ZCCHC4: variants seen among roughly 807,000 people sequenced by gnomAD.
ZCCHC4 encodes zinc finger CCHC-type containing 4.
ZCCHC4 carries 54 observed loss-of-function variants against 67.7 expected under a neutral mutation model. That is an observed-to-expected ratio of 0.80 (90% CI 0.64 to 1.00). The LOEUF is 1.00. Among genes scored for constraint, ZCCHC4 ranks in the 50% least tolerant of loss-of-function variants. The pLI is 0.00. For missense variants in ZCCHC4, 609 were observed against 617.0 expected (o/e 0.99, Z 0.14); for synonymous variants, 198 against 213.5 (o/e 0.93, Z 0.63).
chr4:25,319,435 C>T (rs1238412929), intron 3 of ZCCHC4, among the ~76,000 whole-genome samples: 3 of 151,784 alleles, frequency 2.0e-5, no homozygotes, highest in Non-Finnish European at 4.4e-5. Context: ...AAGTCAGAAG[C>T]GTTAGGGCGT....
chr4:25,339,444 A>G (rs1240878804), intron 5 of ZCCHC4, among the ~76,000 whole-genome samples: 1 of 152,166 alleles, frequency 6.6e-6, no homozygotes, highest in Non-Finnish European at 1.5e-5. Context: ...GTCCTTGCCA[A>G]TGTTTATTAT....
chr4:25,332,297 CA>C (rs35606314), intron 3 of ZCCHC4, among the ~76,000 whole-genome samples: 65,771 of 94,128 alleles, frequency 0.7, 20,448 homozygotes, highest in African/African-American at 0.72. Context: ...GACTCCATCT[CA>C]AAAAAAAAAA....
intron 3 of ZCCHC4, among the ~76,000 whole-genome samples, chr4:25,318,326 C>CTT (rs150504880): frequency 2.2e-4 from 22 of 99,232 alleles, no homozygotes; most frequent in South Asian, 3.5e-4. Flanking sequence ...AACCACTGTT[C>CTT]TTTTTTTTTT....
intron 3 of ZCCHC4, among the ~76,000 whole-genome samples, chr4:25,325,861 T>C (rs1718855173): frequency 6.6e-6 from 1 of 152,214 alleles, no homozygotes; most frequent in African/African-American, 2.4e-5. Flanking sequence ...AGAGTCAAGG[T>C]TCATTGCTTT....
At chr4:25,361,694 C>A in intron 8 of ZCCHC4, 165 bp from the exon 9 acceptor site, 1 of 642,214 alleles carries the variant, frequency 1.6e-6, no homozygotes, top group Non-Finnish European at 2.6e-6. Flanking sequence ...CACCACTGGT[C>A]CACCCACTCC....
At chr4:25,340,720 A>T (rs565498425) in intron 5 of ZCCHC4, among the ~76,000 whole-genome samples, 1 of 152,076 alleles carries the variant, frequency 6.6e-6, no homozygotes, top group Non-Finnish European at 1.5e-5. Context: ...TATTAAATTT[A>T]TCTCTAGATG....
rs1250119103 is a variant in ZCCHC4 at position 25,349,534 on chromosome 4, G to A, written c.802G>A (p.Gly268Ser). 1 of 1,613,890 alleles carries A rather than the reference G, an allele frequency of 6.2e-7. No individual in the cohort carries two copies. The highest frequency in any genetic ancestry group is 8.5e-7 in the Non-Finnish European group (1 of 1,179,928). Residue 268 changes from glycine (G) to serine (S), a missense_variant, in exon 7 of 13, where the codon GGC (glycine) becomes AGC (serine). Transcript: ENST00000302874. ...CAGAGCATTTTTACAGGAAGATAAA[G>A]GCGAAGGAATCATTATGGTGACGGA... ...VCRAFLQEDK[G>S]EGIIMVTDPP...
In ZCCHC4 at chr4:25,345,932, C is replaced by T. The variant is rs145779867; in HGVS notation, c.759+312C>T. 2.1e-4 allele frequency among the ~76,000 whole-genome samples: 32 copies of T among 152,270 alleles called. 1 individual carries two copies. The East Asian group carries it at 6.0e-3, about 29-fold the overall frequency. ...CTGTTTCCCCTTTGCTGTCTGTGCT[C>T]AGGGCACAGGGCTTTCATCTGGAAC... is the stretch of plus-strand genomic sequence containing the variant. On this transcript the variant is annotated intron_variant, in intron 6 of 12. Transcript: ENST00000302874.
intron 5 of ZCCHC4, among the ~76,000 whole-genome samples, chr4:25,343,722 A>G (rs1028316873): frequency 2.0e-5 from 3 of 152,238 alleles, no homozygotes; most frequent in Non-Finnish European, 4.4e-5. Flanking sequence ...TCTTAACCAC[A>G]GTTAATGGGA....
chr4:25,329,413 C>T (rs1022347680), intron 3 of ZCCHC4, among the ~76,000 whole-genome samples: 6 of 150,428 alleles, frequency 4.0e-5, no homozygotes, highest in African/African-American at 1.5e-4. Flanking sequence ...ACCGTACCTT[C>T]AAGTTCACAA....
intron 3 of ZCCHC4, among the ~76,000 whole-genome samples, chr4:25,315,712 G>GTT (rs3067788): frequency 1.5e-5 from 2 of 131,952 alleles, no homozygotes; most frequent in African/African-American, 2.8e-5. Flanking sequence ...ATTTTTGTGT[G>GTT]TTTTTTTTTT....
intron 5 of ZCCHC4, among the ~76,000 whole-genome samples, chr4:25,342,082 C>A (rs1719780481): frequency 6.6e-6 from 1 of 152,030 alleles, no homozygotes; most frequent in South Asian, 2.1e-4. Context: ...TATCACAGTT[C>A]AGTTTTTTTG....
At chr4:25,339,169 G>A (rs1211305520) in intron 5 of ZCCHC4, among the ~76,000 whole-genome samples, 1 of 152,134 alleles carries the variant, frequency 6.6e-6, no homozygotes. Flanking sequence ...ATTGGAGTAA[G>A]GCTCACACTA....
intron 5 of ZCCHC4, among the ~76,000 whole-genome samples, chr4:25,343,882 T>C (rs1174341830): frequency 6.6e-6 from 1 of 152,222 alleles, no homozygotes; most frequent in Non-Finnish European, 1.5e-5. Flanking sequence ...AGTAAGGATG[T>C]GTCTCAGATT....
At chr4:25,364,980 CG>C in intron 11 of ZCCHC4, 41 bp from the exon 12 acceptor site, 1 of 1,608,874 alleles carries the variant, frequency 6.2e-7, no homozygotes, top group Non-Finnish European at 8.5e-7. Flanking sequence ...TGAAAAATTA[CG>C]TTACATGAAC....
intron 3 of ZCCHC4, among the ~76,000 whole-genome samples, chr4:25,324,114 C>T (rs188265933): frequency 1.0e-4 from 15 of 149,904 alleles, no homozygotes; most frequent in African/African-American, 3.5e-4. Flanking sequence ...CAGGTTCAAG[C>T]GATTCTCCTG....
intron 8 of ZCCHC4, among the ~76,000 whole-genome samples, chr4:25,353,358 TACTTG>T (rs1342056305): frequency 2.0e-5 from 3 of 152,254 alleles, no homozygotes; most frequent in African/African-American, 4.8e-5. Flanking sequence ...AGCCATTTTA[TACTTG>T]ACTTCTTGAG....
At chr4:25,355,705 T>G (rs1720489993) in intron 8 of ZCCHC4, among the ~76,000 whole-genome samples, 1 of 152,234 alleles carries the variant, frequency 6.6e-6, no homozygotes, top group African/African-American at 2.4e-5. Flanking sequence ...GGAAAATTAT[T>G]GCAAATTAAA....
chr4:25,340,803 GATTT>G (rs928357239), intron 5 of ZCCHC4, among the ~76,000 whole-genome samples: 2 of 152,078 alleles, frequency 1.3e-5, no homozygotes, highest in African/African-American at 2.4e-5. Context: ...ATAGTACTCT[GATTT>G]ACTTTAAAAA....
Sources: gnomAD v4.1 joint callset for allele counts (sites outside exome capture counted in the v4.1 genomes callset) on GRCh38, gnomAD v4.1.1 for gene constraint, MANE v1.5 for transcripts, NCBI Gene and HGNC (gene_info 2026-07-23, HGNC 2026-07-21) for gene names.